Variants in PRR5 observed in about 807,000 individuals in gnomAD.
The protein encoded by PRR5 is proline rich 5.
Under a neutral mutation model 30.6 loss-of-function variants are expected in PRR5, and 25 were observed. That is an observed-to-expected ratio of 0.82 (90% CI 0.60 to 1.14). The LOEUF (loss-of-function observed/expected upper bound fraction) is 1.14, where lower values mean the gene tolerates loss of function less well. Among genes scored for constraint, PRR5 ranks in the 50% most tolerant of loss-of-function variants. The pLI is 0.00. For synonymous variants in PRR5, 286 were observed against 247.1 expected (o/e 1.16, Z -1.48); for missense variants, 600 against 547.1 (o/e 1.10, Z -0.96).
At chr22:44,706,077 GGCATGA>G (rs1381914551) in intron 1 of PRR5, among the ~76,000 whole-genome samples, 5 of 152,318 alleles carry the variant, frequency 3.3e-5, no homozygotes, top group Middle Eastern at 3.4e-3. Flanking sequence ...TGGGATTACA[GGCATGA>G]GCCACCACAC....
intron 6 of PRR5, 168 bp from the exon 7 acceptor site, chr22:44,734,859 G>A: frequency 1.2e-6 from 1 of 866,146 alleles, no homozygotes; most frequent in Non-Finnish European, 1.8e-6. Context: ...TGCTCTGAGA[G>A]GGGCTGGGAG....
intron 1 of PRR5, among the ~76,000 whole-genome samples, chr22:44,703,703 A>C (rs772750095): frequency 1.7e-4 from 26 of 152,086 alleles, no homozygotes; most frequent in Admixed American, 7.9e-4. Context: ...CCCTGACCCA[A>C]CGACTGCACA....
chr22:44,725,070 G>A (rs1405077256), intron 2 of PRR5, among the ~76,000 whole-genome samples, 174 bp from the exon 3 acceptor site: 1 of 152,194 alleles, frequency 6.6e-6, no homozygotes, highest in Non-Finnish European at 1.5e-5. Context: ...CGGTTGTGTG[G>A]CCGACCCAGC....
chr22:44,725,414 A>C, intron 3 of PRR5, 122 bp downstream of exon 3: 5 of 1,371,980 alleles, frequency 3.6e-6, no homozygotes, highest in Non-Finnish European at 5.0e-6. Context: ...TGCAGTTCCA[A>C]GGACCTGCCT....
chr22:44,721,496 C>A (rs1444952162), intron 2 of PRR5, among the ~76,000 whole-genome samples: 1 of 152,170 alleles, frequency 6.6e-6, no homozygotes, highest in African/African-American at 2.4e-5. Flanking sequence ...GAAGACTTGG[C>A]CCAACCAATT....
At chr22:44,733,505 C>A (rs1922623224) in intron 6 of PRR5, among the ~76,000 whole-genome samples, 2 of 152,152 alleles carry the variant, frequency 1.3e-5, no homozygotes. Context: ...AAGGGGCGGC[C>A]AGTGTGGAGC....
At chr22:44,720,623 C>T (rs1275200524) in intron 2 of PRR5, among the ~76,000 whole-genome samples, 3 of 152,200 alleles carry the variant, frequency 2.0e-5, no homozygotes, top group South Asian at 2.1e-4. Flanking sequence ...GGGAGGTGGA[C>T]GAGGCCTTCG....
At chr22:44,700,662 TTTATA>T (rs1926181787), upstream of PRR5, among the ~76,000 whole-genome samples, 1 of 152,090 alleles carries the variant, frequency 6.6e-6, no homozygotes, top group Non-Finnish European at 1.5e-5. Context: ...TGACAGTTAG[TTTATA>T]AAGCACCTGT....
intron 1 of PRR5, among the ~76,000 whole-genome samples, chr22:44,670,846 A>C (rs866659108): frequency 3.3e-5 from 5 of 152,166 alleles, no homozygotes; most frequent in Non-Finnish European, 7.3e-5. Flanking sequence ...GGTGACGAGA[A>C]GGAAAGAGGA....
rs1382588548 is a variant in PRR5, at chr22:44,714,601, G to A, written c.145G>A (p.Gly49Arg). The A allele has an allele frequency of 6.8e-6, 11 of 1,613,282 alleles. No individual in the cohort carries two copies. The highest frequency in any genetic ancestry group is 9.3e-6 in the Non-Finnish European group (11 of 1,179,968). Residue 49 changes from glycine to arginine, a missense_variant, in exon 2 of 8, where the codon GGG (glycine) becomes AGG (arginine). Coordinates refer to ENST00000336985, the MANE Select transcript of PRR5 (RefSeq NM_181333.4). The stretch of plus-strand genomic sequence containing the variant: ...TCCCTCTGCCCCCAGCATCCACAAC[G>A]GGGTGATCGCCGTCTTCCAGCGCAA... ...ANATWNSIHN[G>R]VIAVFQRKGL...
upstream of PRR5, among the ~76,000 whole-genome samples, chr22:44,673,829 G>A (rs1923560090): frequency 6.6e-6 from 1 of 152,178 alleles, no homozygotes; most frequent in South Asian, 2.1e-4. Flanking sequence ...GGGAGAGGGT[G>A]GGCCCACGTT....
intron 1 of PRR5, among the ~76,000 whole-genome samples, chr22:44,669,775 A>T (rs1016741626): frequency 1.3e-5 from 2 of 151,858 alleles, no homozygotes; most frequent in Non-Finnish European, 2.9e-5. Context: ...AGAGGCCATG[A>T]GGACCGTGTG....
chr22:44,685,468 G>C, intron 1 of PRR5, among the ~76,000 whole-genome samples: 1 of 152,186 alleles, frequency 6.6e-6, no homozygotes, highest in East Asian at 1.9e-4. Context: ...ATGCTCCATA[G>C]AGAAGGGCCA....
chr22:44,726,222 C>T (rs868654598), intron 3 of PRR5, among the ~76,000 whole-genome samples: 47 of 152,204 alleles, frequency 3.1e-4, no homozygotes, highest in African/African-American at 8.7e-4. Flanking sequence ...CTGACGGGCC[C>T]GGCCTTTGGT....
Position 44,726,607 on chromosome 22 carries a change from C to T in PRR5, c.295C>T (p.Leu99Phe). 8 of 1,614,136 alleles carry T rather than the reference C, an allele frequency of 5.0e-6. No homozygotes were observed. The highest frequency in any genetic ancestry group is 6.8e-6 in the Non-Finnish European group (8 of 1,180,034). Residue 99 changes from leucine to phenylalanine, a missense_variant, in exon 4 of 8, where the codon CTT becomes TTT. By Grantham distance (22) the Leu-to-Phe change is conservative. Coordinates refer to ENST00000336985, the MANE Select transcript of PRR5 (RefSeq NM_181333.4). Reference sequence around the variant, plus strand: ...GCTGCTGACAAAAGGCATGGTGATCCTTCGGGACAAGATTCGCTTCTATGA... The same window carrying T: ...GCTGCTGACAAAAGGCATGGTGATCTTTCGGGACAAGATTCGCTTCTATGA... Reference protein sequence around the residue: ...NQLLTKGMVILRDKIRFYEGQ... With the variant: ...NQLLTKGMVIFRDKIRFYEGQ...
chr22:44,731,702 C>T (rs769232251), intron 4 of PRR5, 28 bp from the exon 5 acceptor site: 2 of 1,610,986 alleles, frequency 1.2e-6, no homozygotes, highest in African/African-American at 2.7e-5. Flanking sequence ...CCAGTCAGGC[C>T]CAGTGGTGAT....
chr22:44,718,565 T>C (rs923372553), intron 2 of PRR5, among the ~76,000 whole-genome samples: 9 of 152,146 alleles, frequency 5.9e-5, no homozygotes, highest in African/African-American at 2.2e-4. Context: ...GGTTATCTCT[T>C]TGAGGTACTC....
intron 1 of PRR5, among the ~76,000 whole-genome samples, chr22:44,713,091 C>T (rs1442787011): frequency 1.3e-5 from 2 of 152,174 alleles, no homozygotes; most frequent in East Asian, 3.9e-4. Flanking sequence ...GGGGTCAGAG[C>T]TCAGGATGCC....
rs187867183 is a variant in PRR5, at chr22:44,720,903, A to G, written c.216-4341A>G. On this transcript the variant is annotated intron_variant, in intron 2 of 7. Coordinates refer to ENST00000336985, the MANE Select transcript of PRR5 (RefSeq NM_181333.4). ...GAGAGGTGGCCAGTGGGTTGGAGCC[A>G]CCCCAGGTAGGGCTTCATTAGGGCC... Among the ~76,000 whole-genome samples, 51 of 152,210 alleles carry G rather than the reference A, an allele frequency of 3.4e-4. 1 individual carries two copies. Among genetic ancestry groups the G allele is most frequent in the Admixed American group, 3.1e-3 (48 of 15,290 alleles).
Sources: gnomAD v4.1 joint callset for allele counts (sites outside exome capture counted in the v4.1 genomes callset) on GRCh38, gnomAD v4.1.1 for gene constraint, MANE v1.5 for transcripts, NCBI Gene and HGNC (gene_info 2026-07-23, HGNC 2026-07-21) for gene names.